XRN1: variants seen among roughly 807,000 people sequenced by gnomAD.
XRN1 encodes the protein 5'-3' exoribonuclease 1.
In XRN1, 67 loss-of-function variants were observed where a neutral mutation model predicts 222.3. The ratio of observed to expected loss-of-function variants is 0.30; its 90% CI spans 0.25 to 0.37. The LOEUF is 0.37. Among genes scored for constraint, XRN1 ranks in the 10% least tolerant of loss-of-function variants. The probability of loss-of-function intolerance (pLI) is 1.00; values close to 1 mark genes in which losing one functional copy is unlikely to be tolerated. For synonymous variants in XRN1, 643 were observed against 652.4 expected, an observed-to-expected ratio of 0.99 and a Z score of 0.22; for missense variants, 1,707 against 2,000.2, an observed-to-expected ratio of 0.85 and a Z score of 2.80.
At chr3:142,316,010 AC>A (rs2065202854) in intron 39 of XRN1, among the ~76,000 whole-genome samples, 1 of 152,044 alleles carries the variant, frequency 6.6e-6, no homozygotes, top group Non-Finnish European at 1.5e-5. Flanking sequence ...CTCACTACTT[AC>A]CCTGTACTCC....
chr3:142,411,087 GTTCAC>G, intron 15 of XRN1, among the ~76,000 whole-genome samples: 1 of 152,266 alleles, frequency 6.6e-6, no homozygotes, highest in South Asian at 2.1e-4. Context: ...GATGAAATAT[GTTCAC>G]TTCATCTAGG....
At position 142,425,459 on chromosome 3, in the gene XRN1, T is replaced by C; in HGVS notation, c.486A>G (p.Gln162=). 6.2e-7 allele frequency: 1 copy of C among 1,613,328 alleles called. No individual in the cohort carries two copies. Among genetic ancestry groups the C allele is most frequent in the Non-Finnish European group, 8.5e-7 (1 of 1,179,552 alleles). ...NMKISTDKSW[Q]GVTIYFSGHE... Reference sequence around the variant, plus strand: ...GGCCTGAGAAGTAGATGGTAACTCCTTGCCATGACTTGTCTGTGGAAATTT... The same window carrying C: ...GGCCTGAGAAGTAGATGGTAACTCCCTGCCATGACTTGTCTGTGGAAATTT... The change falls in exon 4 of 41, where the codon CAA becomes CAG. Residue 162 remains glutamine (Q), a synonymous_variant. Coordinates refer to ENST00000392981, the MANE Select transcript of XRN1 (RefSeq NM_001282857.2).
At chr3:142,315,459 TA>T (rs933940704) in intron 39 of XRN1, among the ~76,000 whole-genome samples, 11 of 151,124 alleles carry the variant, frequency 7.3e-5, no homozygotes, top group Non-Finnish European at 8.8e-5. Context: ...CAAATTACAT[TA>T]AAAAAAATCA....
rs775050139 is a variant in XRN1, at chr3:142,418,806, C to T, written c.1240+9G>A. The T allele has an allele frequency of 6.2e-7, 1 of 1,613,440 alleles. No homozygotes were observed. Among genetic ancestry groups the T allele is most frequent in the South Asian group, 1.1e-5 (1 of 91,026 alleles). ...TAGTAACATATCAAAACACATACTT[C>T]ATACTTACCCTTAGAAGTTATCATT... On this transcript the variant is annotated intron_variant, in intron 11 of 40. Coordinates refer to ENST00000392981, the MANE Select transcript of XRN1 (RefSeq NM_001282857.2).
intron 8 of XRN1, 91 bp from the exon 9 acceptor site, chr3:142,421,634 C>T (rs916640602): frequency 6.4e-6 from 6 of 943,868 alleles, no homozygotes; most frequent in Non-Finnish European, 9.6e-6. Context: ...GTTGAATGTT[C>T]ATGTTCTACA....
At chr3:142,338,290 T>C (rs1577245955) in intron 33 of XRN1, among the ~76,000 whole-genome samples, 3 of 152,280 alleles carry the variant, frequency 2.0e-5, no homozygotes, top group Admixed American at 2.0e-4. Context: ...CAGGCTTGTG[T>C]CAGAGTCATG....
intron 29 of XRN1, 104 bp downstream of exon 29, chr3:142,364,943 C>T: frequency 1.6e-6 from 2 of 1,216,598 alleles, no homozygotes; most frequent in African/African-American, 1.6e-5. Context: ...TTGTTTGTTC[C>T]TGATTTATAG....
At chr3:142,402,594 G>A (rs1441221099) in intron 18 of XRN1, among the ~76,000 whole-genome samples, 1 of 152,172 alleles carries the variant, frequency 6.6e-6, no homozygotes, top group Admixed American at 6.5e-5. Flanking sequence ...TAAATGCACA[G>A]AAGATAAGTT....
intron 1 of XRN1, among the ~76,000 whole-genome samples, chr3:142,436,866 TA>T (rs1304602886): frequency 2.6e-5 from 4 of 152,290 alleles, no homozygotes; most frequent in African/African-American, 9.6e-5. Flanking sequence ...AAGATGTTAC[TA>T]GGGGTCAACC....
chr3:142,413,474 G>C (rs2068665090), intron 14 of XRN1, among the ~76,000 whole-genome samples: 1 of 152,134 alleles, frequency 6.6e-6, no homozygotes, highest in Non-Finnish European at 1.5e-5. Flanking sequence ...CACTGCTAAA[G>C]AAGTAAAGGG....
chr3:142,423,660 A>G lies in XRN1; in HGVS notation c.628-18T>C, dbSNP rs1262775302. 1.3e-6 allele frequency: 2 copies of G among 1,547,676 alleles called. No homozygotes were observed. Among genetic ancestry groups the G allele is most frequent in the African/African-American group, 1.4e-5 (1 of 71,890 alleles). On this transcript the variant is annotated intron_variant, in intron 5 of 40. Coordinates refer to ENST00000392981, the MANE Select transcript of XRN1 (RefSeq NM_001282857.2). ...AGCATAATCTGTTGAAAAATGATTA[A>G]GAAATGTTTTTATTCTCCCATTTTT...
chr3:142,396,216 C>G (rs1414334150), intron 20 of XRN1, among the ~76,000 whole-genome samples: 2 of 152,072 alleles, frequency 1.3e-5, no homozygotes, highest in Non-Finnish European at 2.9e-5. Context: ...AAACAAATGA[C>G]TAAACACTTT....
Position 142,432,751 on chromosome 3 carries a change from C to A in XRN1, c.218G>T (p.Arg73Leu). The change falls in exon 2 of 41, where the codon CGC becomes CTC. Residue 73 changes from arginine to leucine, a missense_variant. Physicochemically the swap from Arg to Leu is moderately radical, Grantham distance 102. This residue lies in a region of XRN1 where 1,234 missense variants were observed against 1,518.2 expected (regional missense o/e 0.81). Transcript: ENST00000392981. The stretch of plus-strand genomic sequence containing the variant: ...GAACACTTTCCTGGGTTTAATAATG[C>A]GAAACAACACCTCCAGGTAGTGAAA... ...DIFHYLEVLFRIIKPRKVFFM... is the reference protein window; with the variant it reads ...DIFHYLEVLFLIIKPRKVFFM... The A allele has an allele frequency of 6.2e-7, 1 of 1,613,504 alleles. No individual in the cohort carries two copies. Among genetic ancestry groups the A allele is most frequent in the Non-Finnish European group, 8.5e-7 (1 of 1,179,826 alleles).
At chr3:142,396,235 T>C (rs1171691784) in intron 20 of XRN1, among the ~76,000 whole-genome samples, 2 of 152,232 alleles carry the variant, frequency 1.3e-5, no homozygotes, top group East Asian at 3.9e-4. Flanking sequence ...TTACCCGAAG[T>C]ACTTTGAATG....
chr3:142,373,110 A>C (rs2067034465), intron 25 of XRN1, among the ~76,000 whole-genome samples: 1 of 152,238 alleles, frequency 6.6e-6, no homozygotes, highest in South Asian at 2.1e-4. Flanking sequence ...GAAAACAGAA[A>C]ACACAAAAAA....
At chr3:142,437,467 T>C (rs2069965215) in intron 1 of XRN1, among the ~76,000 whole-genome samples, 1 of 152,168 alleles carries the variant, frequency 6.6e-6, no homozygotes, top group Admixed American at 6.5e-5. Flanking sequence ...TCACATTGCT[T>C]CCTTACCTAA....
Position 142,405,022 on chromosome 3 carries a change from T to C in XRN1, c.1768A>G (p.Arg590Gly). 1 of 1,614,020 alleles carries C rather than the reference T, an allele frequency of 6.2e-7. No homozygotes were observed. The highest frequency in any genetic ancestry group is 1.3e-5 in the African/African-American group (1 of 75,034). ...CACTCACTATGTTGGTTTCTTTTCCTCTCTTCCTTTTTGAGGGAGTGGTTA... is the reference window on the plus strand; with the variant it reads ...CACTCACTATGTTGGTTTCTTTTCCCCTCTTCCTTTTTGAGGGAGTGGTTA... ...TCNHSLKKEE[R>G]KRNQHSECLM... Residue 590 changes from arginine (R) to glycine (G), a missense_variant, in exon 16 of 41, where the codon AGG becomes GGG. Physicochemically the swap from Arg to Gly is moderately radical, Grantham distance 125. Transcript: ENST00000392981.
At chr3:142,445,505 G>C (rs939185938) in intron 1 of XRN1, among the ~76,000 whole-genome samples, 2 of 152,148 alleles carry the variant, frequency 1.3e-5, no homozygotes, top group South Asian at 4.1e-4. Flanking sequence ...AGAATGAGTA[G>C]AGGTTCAGGG....
intron 34 of XRN1, among the ~76,000 whole-genome samples, chr3:142,333,988 G>A (rs1039083183): frequency 6.6e-6 from 1 of 152,116 alleles, no homozygotes; most frequent in South Asian, 2.1e-4. Flanking sequence ...AATGTACCTA[G>A]TCTATGGTAT....
Sources: allele counts gnomAD v4.1 joint callset (sites outside exome capture counted in the v4.1 genomes callset), GRCh38; gene constraint gnomAD v4.1.1; regional missense constraint gnomAD v4.1.1; transcripts MANE v1.5; gene names NCBI Gene and HGNC (gene_info 2026-07-23, HGNC 2026-07-21).